Variants in TP63 observed in about 807,000 individuals in gnomAD.
The protein encoded by TP63 is tumor protein 63.
TP63 carries 17 observed loss-of-function variants against 82.8 expected under a neutral mutation model. The ratio of observed to expected loss-of-function variants is 0.21; its 90% CI spans 0.14 to 0.31. The LOEUF (loss-of-function observed/expected upper bound fraction) is 0.31, where lower values mean the gene tolerates loss of function less well. Ranked by LOEUF, TP63 falls within the 10% of genes least tolerant of loss-of-function variation. The probability of loss-of-function intolerance (pLI) is 1.00; values close to 1 mark genes in which losing one functional copy is unlikely to be tolerated. For synonymous variants in TP63, 330 were observed against 321.7 expected, an observed-to-expected ratio of 1.03 and a Z score of -0.28; for missense variants, 648 against 895.3, an observed-to-expected ratio of 0.72 and a Z score of 3.52.
chr3:189,750,856 G>C (rs1208958303), intron 3 of TP63, among the ~76,000 whole-genome samples: 1 of 151,868 alleles, frequency 6.6e-6, no homozygotes, highest in Non-Finnish European at 1.5e-5. Flanking sequence ...TCTAAGGTAC[G>C]TGTGCACCAC....
At chr3:189,867,985 C>T (rs373501161) in intron 7 of TP63, 43 bp downstream of exon 7, 125 of 1,526,430 alleles carry the variant, frequency 8.2e-5, no homozygotes, top group African/African-American at 2.7e-4. Flanking sequence ...CAAAAAATCA[C>T]GAGCAGAGGG....
At chr3:189,661,398 C>T (rs1352121182) in intron 1 of TP63, among the ~76,000 whole-genome samples, 1 of 151,764 alleles carries the variant, frequency 6.6e-6, no homozygotes, top group Non-Finnish European at 1.5e-5. Context: ...TATGTTGAAC[C>T]CAGCGTGCAT....
chr3:189,742,085 A>C (rs1236371185), intron 3 of TP63, among the ~76,000 whole-genome samples: 4 of 152,130 alleles, frequency 2.6e-5, no homozygotes, highest in African/African-American at 7.2e-5. Flanking sequence ...TCTACTAAAA[A>C]TACAAAAATT....
intron 3 of TP63, among the ~76,000 whole-genome samples, chr3:189,782,317 C>T (rs1369838272): frequency 6.6e-6 from 1 of 152,114 alleles, no homozygotes; most frequent in Admixed American, 6.6e-5. Flanking sequence ...AAACCCGAAG[C>T]CCAGGTTTCC....
intron 4 of TP63, among the ~76,000 whole-genome samples, chr3:189,819,923 G>T (rs1414310796): frequency 6.6e-6 from 1 of 151,612 alleles, no homozygotes; most frequent in East Asian, 1.9e-4. Flanking sequence ...GCTAATTTTT[G>T]TATTTTTAGT....
chr3:189,676,806 A>T (rs901467269), intron 1 of TP63, among the ~76,000 whole-genome samples: 13 of 151,936 alleles, frequency 8.6e-5, no homozygotes, highest in African/African-American at 2.9e-4. Flanking sequence ...TTTTCATGAG[A>T]ATCTAACTAA....
the TP63 span, among the ~76,000 whole-genome samples, chr3:189,618,929 C>G: frequency 5.3e-5 from 8 of 152,068 alleles, no homozygotes; most frequent in Admixed American, 2.0e-4. Flanking sequence ...TTCAAGCCAC[C>G]CTAGCTGTGA....
chr3:189,737,670 G>A, intron 1 of TP63, 70 bp from the exon 2 acceptor site: 1 of 1,534,674 alleles, frequency 6.5e-7, no homozygotes, highest in Non-Finnish European at 9.0e-7. Flanking sequence ...GATAGAGTAT[G>A]CTTTAATTTA....
chr3:189,783,969 AATG>A (rs1724410173), intron 3 of TP63, among the ~76,000 whole-genome samples: 1 of 151,922 alleles, frequency 6.6e-6, no homozygotes, highest in South Asian at 2.1e-4. Context: ...CTCAAAATAT[AATG>A]ATAACTAAAA....
chr3:189,771,302 A>ATATATATAATATATATTATATT (rs1173675085), intron 3 of TP63, among the ~76,000 whole-genome samples: 4 of 123,390 alleles, frequency 3.2e-5, no homozygotes, highest in African/African-American at 1.5e-4. Flanking sequence ...TATTATATTT[A>ATATATATAATATATATTATATT]TATATATAAT....
intron 4 of TP63, among the ~76,000 whole-genome samples, chr3:189,863,102 T>C (rs1717239288): frequency 1.3e-5 from 2 of 152,208 alleles, no homozygotes; most frequent in Non-Finnish European, 2.9e-5. Flanking sequence ...ACGAATCCGA[T>C]TGCCACTATG....
chr3:189,833,765 G>A lies in TP63; in HGVS notation c.579+25239G>A, dbSNP rs183818077. 4.0e-5 allele frequency among the ~76,000 whole-genome samples: 6 copies of A among 150,978 alleles called. No individual in the cohort carries two copies. The East Asian group carries it at 9.7e-4, about 24-fold the overall frequency. On this transcript the variant is annotated intron_variant, in intron 4 of 13. Coordinates refer to ENST00000264731, the MANE Select transcript of TP63 (RefSeq NM_003722.5). The stretch of plus-strand genomic sequence containing the variant: ...CTTGAAAACATTTAATTAAGACAGC[G>A]GTATCTATTTCCAGGAAAAAATAGA...
At chr3:189,883,916 G>A (rs1720177306) in intron 10 of TP63, among the ~76,000 whole-genome samples, 1 of 151,040 alleles carries the variant, frequency 6.6e-6, no homozygotes, top group Admixed American at 6.6e-5. Flanking sequence ...ATTGTAAGAA[G>A]GAATTTACTC....
chr3:189,875,589 C>CATATATATATATAT (rs779050433), intron 10 of TP63, among the ~76,000 whole-genome samples: 26 of 44,410 alleles, frequency 5.9e-4, no homozygotes, highest in South Asian at 8.7e-4. Context: ...AAAAAAAATA[C>CATATATATATATAT]ATACATATAT....
At chr3:189,706,738 T>C (rs1446519580) in intron 1 of TP63, among the ~76,000 whole-genome samples, 4 of 152,178 alleles carry the variant, frequency 2.6e-5, no homozygotes, top group Admixed American at 1.3e-4. Context: ...AATTTAAAAC[T>C]CTAAGACCAA....
At chr3:189,651,721 G>C (rs1712906699) in intron 1 of TP63, among the ~76,000 whole-genome samples, 1 of 146,294 alleles carries the variant, frequency 6.8e-6, no homozygotes, top group Admixed American at 6.7e-5. Context: ...CTTGCATCAT[G>C]GGCTGGGAGG....
intron 1 of TP63, among the ~76,000 whole-genome samples, chr3:189,728,824 C>T (rs1288089910): frequency 2.0e-5 from 3 of 152,080 alleles, no homozygotes; most frequent in African/African-American, 4.8e-5. Context: ...GCACAGGTGG[C>T]GGAGAACCTC....
At chr3:189,734,980 C>T (rs1720469905) in intron 1 of TP63, among the ~76,000 whole-genome samples, 1 of 152,138 alleles carries the variant, frequency 6.6e-6, no homozygotes. Context: ...CTTTTGCACA[C>T]CCCCATTTAC....
At chr3:189,690,384 T>C (rs538971665) in intron 1 of TP63, among the ~76,000 whole-genome samples, 21 of 152,322 alleles carry the variant, frequency 1.4e-4, no homozygotes, top group African/African-American at 4.6e-4. Flanking sequence ...GACACTCTCC[T>C]ACTCCCCCCA....
Sources: allele counts gnomAD v4.1 joint callset (sites outside exome capture counted in the v4.1 genomes callset), GRCh38; gene constraint gnomAD v4.1.1; transcripts MANE v1.5; gene names NCBI Gene and HGNC (gene_info 2026-07-23, HGNC 2026-07-21).